DPYD: variants seen among roughly 807,000 people sequenced by gnomAD.
DPYD encodes dihydropyrimidine dehydrogenase [NADP(+)].
Under a neutral mutation model 116.2 loss-of-function variants are expected in DPYD, and 109 were observed. That is an observed-to-expected ratio of 0.94 (90% CI 0.80 to 1.10). The LOEUF is 1.10. Among genes scored for constraint, DPYD ranks in the 50% least tolerant of loss-of-function variants. DPYD has a pLI of 0.00. For synonymous variants in DPYD, 440 were observed against 432.0 expected (o/e 1.02, Z -0.23); for missense variants, 1,302 against 1,254.5 (o/e 1.04, Z -0.57).
chr1:97,791,599 T>A (rs916349098), intron 3 of DPYD, among the ~76,000 whole-genome samples: 14 of 152,212 alleles, frequency 9.2e-5, no homozygotes, highest in African/African-American at 3.4e-4. Context: ...AATGTGATGG[T>A]CTGGTTGTGA....
chr1:97,189,884 T>C (rs1478216261), intron 20 of DPYD, among the ~76,000 whole-genome samples: 3 of 152,148 alleles, frequency 2.0e-5, no homozygotes. Context: ...GGAATAAAGA[T>C]TATAGCAAGT....
intron 18 of DPYD, among the ~76,000 whole-genome samples, chr1:97,270,307 A>G (rs1037592813): frequency 6.6e-6 from 1 of 152,190 alleles, no homozygotes; most frequent in African/African-American, 2.4e-5. Flanking sequence ...TTCCAGTAGA[A>G]TGTGTATAGA....
chr1:97,180,040 G>C (rs1056428337), intron 20 of DPYD, among the ~76,000 whole-genome samples: 3 of 151,994 alleles, frequency 2.0e-5, no homozygotes, highest in Admixed American at 2.0e-4. Context: ...AAGCTCCCAG[G>C]GTTTTGGTAA....
intron 8 of DPYD, among the ~76,000 whole-genome samples, chr1:97,673,871 G>T (rs1660003636): frequency 6.6e-6 from 1 of 152,118 alleles, no homozygotes; most frequent in Non-Finnish European, 1.5e-5. Context: ...ATAGCTCTAG[G>T]TCCATGTCCA....
chr1:97,167,009 C>T (rs1656373453), intron 20 of DPYD, among the ~76,000 whole-genome samples: 2 of 151,986 alleles, frequency 1.3e-5, no homozygotes, highest in Non-Finnish European at 2.9e-5. Context: ...TATATTAATG[C>T]TAAATTCAGA....
At chr1:97,382,521 T>G in intron 14 of DPYD, 60 bp from the exon 15 acceptor site, 1 of 940,592 alleles carries the variant, frequency 1.1e-6, no homozygotes, top group Admixed American at 2.7e-5. Flanking sequence ...TACACAAAGA[T>G]ATATTAATAT....
intron 16 of DPYD, among the ~76,000 whole-genome samples, chr1:97,362,463 A>G (rs533672881): frequency 3.1e-4 from 47 of 152,328 alleles, no homozygotes; most frequent in African/African-American, 1.1e-3. Flanking sequence ...TTTAAAGTTC[A>G]TATGGAATCA....
chr1:97,316,765 C>G (rs962283391), intron 16 of DPYD, among the ~76,000 whole-genome samples: 2 of 151,680 alleles, frequency 1.3e-5, no homozygotes, highest in East Asian at 2.0e-4. Context: ...GGATTGGATC[C>G]CTCTGAGCCT....
chr1:97,869,896 T>C (rs1199605497), intron 2 of DPYD, among the ~76,000 whole-genome samples: 1 of 151,878 alleles, frequency 6.6e-6, no homozygotes, highest in African/African-American at 2.4e-5. Flanking sequence ...AATTAAAATA[T>C]GAACATCAAA....
At chr1:97,797,311 C>T (rs1667622083) in intron 3 of DPYD, 2 of 152,002 alleles carry the variant, frequency 1.3e-5, no homozygotes, top group African/African-American at 4.8e-5. Flanking sequence ...AACAAAGATA[C>T]CAGACATATT....
At chr1:97,638,732 C>T (rs1003088129) in intron 8 of DPYD, among the ~76,000 whole-genome samples, 1 of 151,998 alleles carries the variant, frequency 6.6e-6, no homozygotes, top group Non-Finnish European at 1.5e-5. Context: ...TGGTATGTCA[C>T]ACGGTGAGAG....
At chr1:97,490,321 A>G (rs1320494413) in intron 13 of DPYD, among the ~76,000 whole-genome samples, 3 of 148,378 alleles carry the variant, frequency 2.0e-5, no homozygotes, top group African/African-American at 7.3e-5. Context: ...AATATAATAT[A>G]GAATATACTG....
At chr1:97,085,269 T>TA (rs1424248862) in intron 21 of DPYD, among the ~76,000 whole-genome samples, 2 of 152,210 alleles carry the variant, frequency 1.3e-5, no homozygotes, top group African/African-American at 4.8e-5. Context: ...GGAAACTCTC[T>TA]AGGCAGTCAA....
At position 97,082,448 on chromosome 1, in the gene DPYD, T is replaced by C. The variant is rs568169006; in HGVS notation, c.2789A>G (p.Gln930Arg). 6.2e-7 allele frequency: 1 copy of C among 1,613,608 alleles called. No homozygotes were observed. Among genetic ancestry groups the C allele is most frequent in the Admixed American group, 1.7e-5 (1 of 60,010 alleles). The part of the protein sequence containing the change: ...TIKDVIGKAL[Q>R]YLGTFGELSN... ...CAATTCACCAAATGTTCCAAGGTAC[T>C]GCAGTGCTTTTCCTATTACATCCTA... Residue 930 changes from glutamine to arginine, a missense_variant, in exon 22 of 23, where the codon CAG (glutamine) becomes CGG (arginine). Transcript: ENST00000370192.
intron 2 of DPYD, among the ~76,000 whole-genome samples, chr1:97,879,708 C>G (rs563974773): frequency 6.6e-6 from 1 of 151,858 alleles, no homozygotes; most frequent in Non-Finnish European, 1.5e-5. Flanking sequence ...ATTCTTAAGG[C>G]ACTTTTACCG....
At chr1:97,176,448 C>T (rs1340837017) in intron 20 of DPYD, among the ~76,000 whole-genome samples, 1 of 152,170 alleles carries the variant, frequency 6.6e-6, no homozygotes, top group African/African-American at 2.4e-5. Context: ...AGCTCTCATC[C>T]AGATGCTCTC....
At chr1:97,082,098 T>C (rs1323683312) in intron 22 of DPYD, among the ~76,000 whole-genome samples, 5 of 152,230 alleles carry the variant, frequency 3.3e-5, no homozygotes, top group East Asian at 1.9e-4. Context: ...GATGAAATGG[T>C]ATAAAAATAA....
At chr1:97,327,090 T>G (rs1403709529) in intron 16 of DPYD, among the ~76,000 whole-genome samples, 2 of 152,034 alleles carry the variant, frequency 1.3e-5, no homozygotes, top group African/African-American at 4.8e-5. Flanking sequence ...ATTAAACACA[T>G]AATTGAGATC....
intron 16 of DPYD, among the ~76,000 whole-genome samples, chr1:97,308,688 A>G (rs919007342): frequency 6.6e-5 from 10 of 151,846 alleles, no homozygotes; most frequent in African/African-American, 2.4e-4. Flanking sequence ...TCTAAAAGCA[A>G]TTAGTAGTGT....
Sources: gnomAD v4.1 joint callset for allele counts (sites outside exome capture counted in the v4.1 genomes callset) on GRCh38, gnomAD v4.1.1 for gene constraint, MANE v1.5 for transcripts, NCBI Gene and HGNC (gene_info 2026-07-23, HGNC 2026-07-21) for gene names.